The following DNAAF5 variants were observed in gnomAD, a reference collection of about 807,000 sequenced individuals.
DNAAF5 encodes HEAT repeat containing 2.
A neutral mutation model predicts 75.8 loss-of-function variants in DNAAF5; 64 were observed. That is an observed-to-expected ratio of 0.84 (90% CI 0.69 to 1.04). DNAAF5 has a LOEUF of 1.04. Among genes scored for constraint, DNAAF5 ranks in the 50% least tolerant of loss-of-function variants. DNAAF5 has a pLI of 0.00. For missense variants in DNAAF5, 1,269 were observed against 1,178.5 expected, an observed-to-expected ratio of 1.08 and a Z score of -1.12; for synonymous variants, 657 against 557.2, an observed-to-expected ratio of 1.18 and a Z score of -2.52.
At chr7:750,169 T>C (rs1782247066) in intron 4 of DNAAF5, among the ~76,000 whole-genome samples, 1 of 152,238 alleles carries the variant, frequency 6.6e-6, no homozygotes, top group South Asian at 2.1e-4. Flanking sequence ...TCACTCACTG[T>C]CTGTGCTACA....
At chr7:775,797 A>G (rs541169320) in intron 11 of DNAAF5, among the ~76,000 whole-genome samples, 3 of 152,258 alleles carry the variant, frequency 2.0e-5, no homozygotes, top group Non-Finnish European at 2.9e-5. Context: ...CCTTAAAACA[A>G]CGTTGAACCC....
intron 2 of DNAAF5, among the ~76,000 whole-genome samples, chr7:735,042 G>A (rs1781694102): frequency 6.6e-6 from 1 of 151,542 alleles, no homozygotes; most frequent in South Asian, 2.1e-4. Flanking sequence ...TGCTCACGGT[G>A]TAGCTGCTCA....
intron 8 of DNAAF5, among the ~76,000 whole-genome samples, chr7:769,481 C>G (rs1583511914): frequency 1.3e-5 from 2 of 152,292 alleles, no homozygotes; most frequent in South Asian, 2.1e-4. Flanking sequence ...TCGCGCCCAC[C>G]GGAGAGCAGC....
intron 4 of DNAAF5, among the ~76,000 whole-genome samples, chr7:753,608 A>G (rs1389589276): frequency 8.6e-6 from 1 of 116,814 alleles, no homozygotes; most frequent in African/African-American, 3.4e-5. Flanking sequence ...CGTGTCTCTC[A>G]TCATATGGGG....
In DNAAF5 at chr7:729,861, C is replaced by G. The variant is rs746199296; in HGVS notation, c.780+14C>G. ...GACGTCCCGCAGGTAACTGGTGTTTCTCCTGGACAGTCTGTTCCTCTCTCC... is the reference window on the plus strand; with the variant it reads ...GACGTCCCGCAGGTAACTGGTGTTTGTCCTGGACAGTCTGTTCCTCTCTCC... On this transcript the variant is annotated intron_variant, in intron 2 of 12. Coordinates refer to ENST00000297440, the MANE Select transcript of DNAAF5 (RefSeq NM_017802.4). 6.2e-7 allele frequency: 1 copy of G among 1,613,376 alleles called. No individual in the cohort carries two copies. The highest frequency in any genetic ancestry group is 8.5e-7 in the Non-Finnish European group (1 of 1,179,458).
intron 11 of DNAAF5, among the ~76,000 whole-genome samples, chr7:777,863 A>T (rs1200614027): frequency 6.6e-6 from 1 of 152,110 alleles, no homozygotes; most frequent in East Asian, 1.9e-4. Context: ...AGGACACGGG[A>T]CGGGGAGGGA....
chr7:768,155 G>A (rs1778405142), intron 8 of DNAAF5, among the ~76,000 whole-genome samples: 1 of 106,464 alleles, frequency 9.4e-6, no homozygotes, highest in South Asian at 3.6e-4. Flanking sequence ...GCTCGCGGCT[G>A]GGAGCGCAGA....
chr7:745,303 G>A (rs1315137893), intron 4 of DNAAF5, among the ~76,000 whole-genome samples: 1 of 152,208 alleles, frequency 6.6e-6, no homozygotes, highest in Non-Finnish European at 1.5e-5. Flanking sequence ...GACCCAGGAG[G>A]GTCCAGTCCT....
Position 786,274 on chromosome 7 carries a change from G to A in DNAAF5, c.*621G>A, listed in dbSNP as rs1779142045. On this transcript the variant is annotated 3_prime_UTR_variant, in exon 13 of 13. Transcript: ENST00000297440. ...TATTTCATGAGATCTAATTGTGGTT[G>A]CCCCTATAGGTAGCAGGAAAGTAAA... The A allele has an allele frequency of 6.6e-6, 1 of 152,244 alleles. No individual in the cohort carries two copies. Among genetic ancestry groups the A allele is most frequent in the African/African-American group, 2.4e-5 (1 of 41,422 alleles). 9.4% of individuals were successfully genotyped at this position (152,244 alleles called of 1,614,324 possible).
chr7:768,996 G>A, intron 8 of DNAAF5: 1 of 600,326 alleles, frequency 1.7e-6, no homozygotes, highest in East Asian at 2.8e-5. Flanking sequence ...TCGGTGCAAC[G>A]CCTCCTGCCC....
chr7:759,682 A>G (rs1782585853), intron 6 of DNAAF5, among the ~76,000 whole-genome samples: 1 of 152,194 alleles, frequency 6.6e-6, no homozygotes, highest in South Asian at 2.1e-4. Context: ...CTGGTCAAAT[A>G]TAGAGAAATC....
At chr7:783,586 C>A (rs1047824737) in intron 12 of DNAAF5, among the ~76,000 whole-genome samples, 1 of 152,192 alleles carries the variant, frequency 6.6e-6, no homozygotes, top group Non-Finnish European at 1.5e-5. Context: ...CACGGCGGGG[C>A]CCGTGGTCTC....
chr7:726,943 C>A lies in DNAAF5; in HGVS notation c.223C>A (p.Arg75Ser). 1.5e-6 allele frequency: 2 copies of A among 1,336,808 alleles called. No individual in the cohort carries two copies. Among genetic ancestry groups the A allele is most frequent in the Non-Finnish European group, 9.6e-7 (1 of 1,040,368 alleles). The allele number at this position is 1,336,808 out of a possible 1,614,324, so 82.8% of individuals were successfully genotyped here. A position where few individuals can be genotyped will look rare whatever the true frequency, so the allele number is the denominator to read the frequency against. Residue 75 changes from arginine to serine, a missense_variant, in exon 1 of 13, where the codon CGC becomes AGC. Arg to Ser is a moderately radical substitution (Grantham distance 110, BLOSUM62 -1). Transcript: ENST00000297440. ...CACCGCTTTCCAGGGCCCCTGGGCGCGCCTACTGCTGCCGCGCTTGCTGCG... is the reference window on the plus strand; with the variant it reads ...CACCGCTTTCCAGGGCCCCTGGGCGAGCCTACTGCTGCCGCGCTTGCTGCG... ...DPTAFQGPWA[R>S]LLLPRLLRCL...
chr7:777,362 C>T (rs1778797697), intron 11 of DNAAF5, among the ~76,000 whole-genome samples: 1 of 152,084 alleles, frequency 6.6e-6, no homozygotes, highest in African/African-American at 2.4e-5. Context: ...AATAGAACCA[C>T]CTCAAAGTTA....
At chr7:739,104 C>CAGGCTTTGCAG (rs1562377092) in intron 2 of DNAAF5, among the ~76,000 whole-genome samples, 107 of 54,494 alleles carry the variant, frequency 2.0e-3, no homozygotes, top group South Asian at 6.7e-3. Flanking sequence ...GCCCTCTGCC[C>CAGGCTTTGCAG]CATCACTGTA....
At chr7:781,021 C>G (rs751746161) in intron 12 of DNAAF5, among the ~76,000 whole-genome samples, 56 of 152,064 alleles carry the variant, frequency 3.7e-4, no homozygotes, top group Non-Finnish European at 6.2e-4. Context: ...AACACTTACA[C>G]TTTCTTTGTG....
At chr7:729,324 C>T (rs113799950) in intron 1 of DNAAF5, among the ~76,000 whole-genome samples, 54 of 152,310 alleles carry the variant, frequency 3.5e-4, no homozygotes, top group African/African-American at 1.1e-3. Flanking sequence ...CCAGTGTCCC[C>T]GTCAGGCCTC....
At position 782,622 on chromosome 7, in the gene DNAAF5, G is replaced by T. The variant is rs182789922; in HGVS notation, c.2431+2478G>T. On this transcript the variant is annotated intron_variant, in intron 12 of 12. Transcript: ENST00000297440. The stretch of plus-strand genomic sequence containing the variant: ...TCCCGTTACGCAGCGTCAGAAACTC[G>T]ATATTCCTGGCGTGGCCGCCTCCCG... 1.1e-3 allele frequency among the ~76,000 whole-genome samples: 155 copies of T among 147,022 alleles called. 14 individuals carry two copies. Among genetic ancestry groups the T allele is most frequent in the African/African-American group, 3.9e-3 (150 of 38,536 alleles).
At position 774,055 on chromosome 7, in the gene DNAAF5, C is replaced by A; in HGVS notation, c.1939C>A (p.Pro647Thr). Residue 647 changes from proline (P) to threonine (T), a missense_variant, in exon 10 of 13, where the codon CCC (proline) becomes ACC (threonine). Coordinates refer to ENST00000297440, the MANE Select transcript of DNAAF5 (RefSeq NM_017802.4). ...TCTCCGTTCCGGTTCCAGGCAGTTT[C>A]CCAGCTACCTCGAGACGGTGACAAA... ...TDTINSQGQFPSYLETVTKDI... is the reference protein window; with the variant it reads ...TDTINSQGQFTSYLETVTKDI... 1 of 1,614,112 alleles carries A rather than the reference C, an allele frequency of 6.2e-7. No individual in the cohort carries two copies.
Sources: gnomAD v4.1 joint callset for allele counts (sites outside exome capture counted in the v4.1 genomes callset) on GRCh38, gnomAD v4.1.1 for gene constraint, MANE v1.5 for transcripts, NCBI Gene and HGNC (gene_info 2026-07-23, HGNC 2026-07-21) for gene names.